The following DTL variants were observed in gnomAD, a reference collection of about 807,000 sequenced individuals.
The protein encoded by DTL is denticleless E3 ubiquitin protein ligase adapter.
Under a neutral mutation model 87.0 loss-of-function variants are expected in DTL, and 46 were observed. The observed-to-expected ratio is 0.53, with a 90% CI of 0.42 to 0.68. DTL has a LOEUF of 0.68. DTL is among the 30% of genes least tolerant of loss of function. The pLI is 0.00. For missense variants in DTL, 737 were observed against 869.4 expected, an observed-to-expected ratio of 0.85 and a Z score of 1.91; for synonymous variants, 308 against 311.2, an observed-to-expected ratio of 0.99 and a Z score of 0.11.
chr1:212,080,797 T>C, intron 13 of DTL, 47 bp downstream of exon 13: 1 of 1,601,722 alleles, frequency 6.2e-7, no homozygotes. Context: ...TTGACTAGTT[T>C]AGTCCGACAG....
intron 12 of DTL, among the ~76,000 whole-genome samples, chr1:212,078,498 A>T (rs1654900559): frequency 6.6e-6 from 1 of 152,148 alleles, no homozygotes; most frequent in African/African-American, 2.4e-5. Flanking sequence ...CCCTACAGTT[A>T]TTTCTTTCCT....
chr1:212,100,014 C>T (rs1012077184), intron 13 of DTL, among the ~76,000 whole-genome samples: 4 of 151,920 alleles, frequency 2.6e-5, no homozygotes, highest in South Asian at 2.1e-4. Flanking sequence ...TTATGTTTTT[C>T]GGTATTTTGT....
chr1:212,080,657 T>C lies in DTL; in HGVS notation c.1168T>C (p.Leu390=), dbSNP rs1194397199. ...SDDNTLKIWR[L]NRGLEEKPGG... is the part of the protein sequence containing the mutation. ...TGACAATACACTAAAAATCTGGCGCTTGAATAGAGGCTTAGAGGAGAAACC... is the reference window on the plus strand; with the variant it reads ...TGACAATACACTAAAAATCTGGCGCCTGAATAGAGGCTTAGAGGAGAAACC... Residue 390 remains leucine (L), a synonymous_variant, in exon 13 of 15, where the codon TTG becomes CTG. Transcript: ENST00000366991. 3 of 1,613,568 alleles carry C rather than the reference T, an allele frequency of 1.9e-6. No homozygotes were observed. Among genetic ancestry groups the C allele is most frequent in the Admixed American group, 3.3e-5 (2 of 59,994 alleles).
At chr1:212,072,238 A>G in intron 11 of DTL, 25 bp downstream of exon 11, 4 of 1,523,484 alleles carry the variant, frequency 2.6e-6, no homozygotes, top group Non-Finnish European at 3.6e-6. Flanking sequence ...TTCACCCACA[A>G]GTGTTAGACT....
In DTL at chr1:212,068,277, C is replaced by T; in HGVS notation, c.767C>T (p.Pro256Leu). The change falls in exon 9 of 15, where the codon CCC becomes CTC. Residue 256 changes from proline (P) to leucine (L), a missense_variant. Coordinates refer to ENST00000366991, the MANE Select transcript of DTL (RefSeq NM_016448.4). ...AATTATACTGCTTATCGACAAGAAC[C>T]CATAGCATCCAAGTCTTTCCTGTAC... is the stretch of plus-strand genomic sequence containing the variant. ...RKNYTAYRQEPIASKSFLYPG... is the reference protein window; with the variant it reads ...RKNYTAYRQELIASKSFLYPG... The T allele has an allele frequency of 6.2e-7, 1 of 1,612,170 alleles. No homozygotes were observed. Among genetic ancestry groups the T allele is most frequent in the Non-Finnish European group, 8.5e-7 (1 of 1,179,464 alleles).
chr1:212,094,691 C>G (rs796425840), intron 13 of DTL, among the ~76,000 whole-genome samples: 9 of 152,248 alleles, frequency 5.9e-5, no homozygotes, highest in African/African-American at 2.2e-4. Flanking sequence ...TTGCTTTTAG[C>G]AGTATAGTTA....
chr1:212,051,442 CTTTTTTTTTTTTTTTTTTTT>C lies in DTL; in HGVS notation c.460+4050_460+4069del, dbSNP rs958429363. The C allele has an allele frequency of 6.5e-3, 1,280 of 196,744 alleles. 7 individuals carry two copies. Among genetic ancestry groups the C allele is most frequent in the Non-Finnish European group, 8.1e-3 (924 of 114,446 alleles). The allele number at this position is 196,744 out of a possible 1,614,324, so 12.2% of individuals were successfully genotyped here. A position where few individuals can be genotyped will look rare whatever the true frequency, so the allele number is the denominator to read the frequency against. ...GGACATTTTTGTTGGATATGAAATTCTTTTTTTTTTTTTTTTTTTTTTTTTTTTTTTTTTTTTTTTTTTTA... is the reference window on the plus strand; with the variant it reads ...GGACATTTTTGTTGGATATGAAATTCTTTTTTTTTTTTTTTTTTTTTTTTA... On this transcript the variant is annotated intron_variant, in intron 5 of 14. Coordinates refer to ENST00000366991, the MANE Select transcript of DTL (RefSeq NM_016448.4).
intron 11 of DTL, among the ~76,000 whole-genome samples, chr1:212,073,210 T>G (rs1284792223): frequency 6.6e-6 from 1 of 152,192 alleles, no homozygotes; most frequent in Non-Finnish European, 1.5e-5. Context: ...CTGAAAAATG[T>G]CTCTTGAAGG....
chr1:212,065,712 G>C (rs1384076207), intron 7 of DTL, among the ~76,000 whole-genome samples: 2 of 152,100 alleles, frequency 1.3e-5, no homozygotes, highest in East Asian at 3.8e-4. Flanking sequence ...AGAAAAATAT[G>C]TTTTTTGTTT....
chr1:212,068,308 T>C lies in DTL; in HGVS notation c.798T>C (p.Gly266=). ...PIASKSFLYP[G]SSTRKLGYSS... is the part of the protein sequence containing the mutation. The stretch of plus-strand genomic sequence containing the variant: ...CATCCAAGTCTTTCCTGTACCCAGG[T>C]AGCAGCACTCGAAAACTTGGTAAGC... Residue 266 remains glycine (G), a synonymous_variant, in exon 9 of 15, where the codon GGT becomes GGC. Coordinates refer to ENST00000366991, the MANE Select transcript of DTL (RefSeq NM_016448.4). The C allele has an allele frequency of 6.2e-7, 1 of 1,608,284 alleles. No homozygotes were observed.
intron 5 of DTL, among the ~76,000 whole-genome samples, chr1:212,058,365 CA>C (rs2102543423): frequency 6.6e-6 from 1 of 152,142 alleles, no homozygotes; most frequent in African/African-American, 2.4e-5. Flanking sequence ...CTTCTCAGAC[CA>C]CAATGGAATA....
intron 5 of DTL, among the ~76,000 whole-genome samples, chr1:212,062,022 AATG>A: frequency 6.6e-6 from 1 of 152,234 alleles, no homozygotes; most frequent in East Asian, 1.9e-4. Context: ...AGCACATAGA[AATG>A]ATGAATACAA....
chr1:212,071,999 G>T, intron 10 of DTL, 102 bp from the exon 11 acceptor site: 1 of 782,722 alleles, frequency 1.3e-6, no homozygotes, highest in Non-Finnish European at 2.2e-6. Flanking sequence ...GCTTCAATAG[G>T]CAATACAGTG....
intron 5 of DTL, chr1:212,051,423 T>TTTTG (rs1465245951): frequency 2.1e-6 from 1 of 481,006 alleles, no homozygotes; most frequent in Non-Finnish European, 3.6e-6. Flanking sequence ...CGAAGGACAT[T>TTTTG]TTTGTTGGAT....
intron 2 of DTL, among the ~76,000 whole-genome samples, chr1:212,043,828 CAAAAAA>C (rs35962372): frequency 1.2e-5 from 1 of 83,700 alleles, no homozygotes; most frequent in Non-Finnish European, 2.6e-5. Flanking sequence ...ACTTCATCTC[CAAAAAA>C]AAAAAAAAAA....
chr1:212,068,223 G>A lies in DTL; in HGVS notation c.714-1G>A. ...AAATATTTATTTGCCTTGGTTTTTA[G>A]GATAATCAAAGTATGGGATTTACGT... On this transcript the variant is annotated splice_acceptor_variant, in intron 8 of 14. Coordinates refer to ENST00000366991, the MANE Select transcript of DTL (RefSeq NM_016448.4). LOFTEE classifies it high-confidence loss of function. 6.3e-7 allele frequency: 1 copy of A among 1,592,614 alleles called. No homozygotes were observed. The highest frequency in any genetic ancestry group is 1.1e-5 in the South Asian group (1 of 87,334).
chr1:212,071,460 CA>C (rs1026727685), intron 10 of DTL, among the ~76,000 whole-genome samples: 1 of 152,162 alleles, frequency 6.6e-6, no homozygotes, highest in Non-Finnish European at 1.5e-5. Context: ...TAGTGCCTTA[CA>C]TATAAACAGT....
chr1:212,077,876 T>G (rs1260401228), intron 11 of DTL, among the ~76,000 whole-genome samples: 2 of 152,216 alleles, frequency 1.3e-5, no homozygotes, highest in Non-Finnish European at 2.9e-5. Context: ...TCTTGAATTT[T>G]AGTCAAAATA....
intron 13 of DTL, among the ~76,000 whole-genome samples, chr1:212,087,717 ACT>A (rs1040873748): frequency 1.1e-4 from 17 of 151,892 alleles, no homozygotes; most frequent in African/African-American, 4.1e-4. Flanking sequence ...TGACCATTCG[ACT>A]CTCTAAGCCA....
Sources: allele counts gnomAD v4.1 joint callset (sites outside exome capture counted in the v4.1 genomes callset), GRCh38; gene constraint gnomAD v4.1.1; transcripts MANE v1.5; gene names NCBI Gene and HGNC (gene_info 2026-07-23, HGNC 2026-07-21).